The following ANK2 variants were observed in gnomAD, a reference collection of about 807,000 sequenced individuals.
ANK2 encodes ankyrin 2, also known as ankyrin-2.
Under a neutral mutation model 360.5 loss-of-function variants are expected in ANK2, and 83 were observed. The observed-to-expected ratio is 0.23, with a 90% CI of 0.19 to 0.28. The LOEUF (loss-of-function observed/expected upper bound fraction) is 0.28, where lower values mean the gene tolerates loss of function less well. Ranked by LOEUF, ANK2 falls within the 10% of genes least tolerant of loss-of-function variation. ANK2 has a pLI of 1.00. For missense variants in ANK2, 4,201 were observed against 4,795.7 expected (o/e 0.88, Z 3.66); for synonymous variants, 1,740 against 1,759.5 (o/e 0.99, Z 0.28).
At chr4:113,175,644 C>T (rs2098167070) in intron 2 of ANK2, among the ~76,000 whole-genome samples, 1 of 152,250 alleles carries the variant, frequency 6.6e-6, no homozygotes, top group Admixed American at 6.5e-5. Context: ...ATGCCTTGAG[C>T]GATAAATAAA....
the ANK2 span, among the ~76,000 whole-genome samples, chr4:112,769,550 C>T: frequency 6.6e-6 from 1 of 152,298 alleles, no homozygotes; most frequent in East Asian, 1.9e-4. Context: ...GAAATAGAAT[C>T]ATTCCTTTCC....
At chr4:112,930,335 C>A (rs1270906682) in intron 2 of ANK2, among the ~76,000 whole-genome samples, 4 of 151,626 alleles carry the variant, frequency 2.6e-5, no homozygotes, top group African/African-American at 9.7e-5. Context: ...GTAGTCCCAG[C>A]TACTTGGGAG....
chr4:112,982,796 C>T (rs188689516), intron 2 of ANK2, among the ~76,000 whole-genome samples: 51 of 152,214 alleles, frequency 3.4e-4, no homozygotes, highest in Admixed American at 1.0e-3. Flanking sequence ...ACTGTTTACA[C>T]CTTTCAGTTA....
intron 1 of ANK2, among the ~76,000 whole-genome samples, chr4:112,889,245 A>C (rs1438631174): frequency 2.0e-5 from 3 of 152,064 alleles, no homozygotes; most frequent in Admixed American, 6.5e-5. Flanking sequence ...AAAAAAAAAA[A>C]ACAAAACCTT....
chr4:112,728,175 C>G, the ANK2 span, among the ~76,000 whole-genome samples: 1 of 149,282 alleles, frequency 6.7e-6, no homozygotes, highest in Admixed American at 6.7e-5. Context: ...CGACTGTAGT[C>G]CCAGCTGCTC....
intron 2 of ANK2, among the ~76,000 whole-genome samples, chr4:112,995,579 C>T (rs1034998242): frequency 2.0e-5 from 3 of 152,136 alleles, no homozygotes; most frequent in Non-Finnish European, 4.4e-5. Flanking sequence ...TCTTGCTGTG[C>T]AGAAGCTCTT....
intron 2 of ANK2, among the ~76,000 whole-genome samples, chr4:112,941,180 TA>T (rs1264947778): frequency 4.0e-5 from 6 of 151,504 alleles, no homozygotes; most frequent in African/African-American, 1.2e-4. Context: ...TTTTGTTGCC[TA>T]AAAAAGGATA....
intron 1 of ANK2, among the ~76,000 whole-genome samples, chr4:112,822,251 A>C (rs976126793): frequency 1.1e-4 from 17 of 149,524 alleles, no homozygotes; most frequent in African/African-American, 3.9e-4. Flanking sequence ...AAAAAAAAAA[A>C]AAAAAAAAAA....
At chr4:113,196,322 T>TGAAA (rs760009562) in intron 2 of ANK2, 46 bp from the exon 3 acceptor site, 27 of 1,468,384 alleles carry the variant, frequency 1.8e-5, no homozygotes, top group Non-Finnish European at 2.6e-5. Flanking sequence ...GGCACTATTT[T>TGAAA]CCTCATTACT....
In ANK2 at chr4:112,940,977, A is replaced by G. The variant is rs560850022; in HGVS notation, c.21+36463A>G. ...AGGGACAAATACTTTCAAGTTCCTC[A>G]TGAGGTTGTTGATAAGATTCTGGCA... On this transcript the variant is annotated intron_variant, in intron 2 of 30. Coordinates refer to the ANK2 transcript ENST00000503271. Among the ~76,000 whole-genome samples the G allele has an allele frequency of 2.0e-5, 3 of 152,200 alleles. No individual in the cohort carries two copies. The South Asian group carries it at 6.2e-4, about 32-fold the overall frequency.
intron 13 of ANK2, among the ~76,000 whole-genome samples, chr4:113,263,186 T>C (rs988845992): frequency 9.3e-6 from 1 of 107,368 alleles, no homozygotes; most frequent in African/African-American, 4.3e-5. Flanking sequence ...AGACTCTGTC[T>C]GAAAAAAAAA....
At chr4:113,058,850 C>T (rs767134100) in intron 1 of ANK2, among the ~76,000 whole-genome samples, 5 of 152,140 alleles carry the variant, frequency 3.3e-5, no homozygotes, top group Admixed American at 6.6e-5. Flanking sequence ...GAATGTCTGT[C>T]TTAGTACTTT....
chr4:113,290,903 C>T (rs1357793699), intron 20 of ANK2, among the ~76,000 whole-genome samples: 1 of 152,150 alleles, frequency 6.6e-6, no homozygotes, highest in Non-Finnish European at 1.5e-5. Flanking sequence ...TTTACGTAAA[C>T]ACTTCTGAAT....
chr4:112,935,843 AAAAC>A (rs59674042), intron 2 of ANK2, among the ~76,000 whole-genome samples: 91,740 of 150,736 alleles, frequency 0.61, 28,119 homozygotes, highest in East Asian at 0.72. Context: ...ACCTTGTCTC[AAAAC>A]AAACAAACAA....
chr4:113,142,822 C>T (rs1258783471), intron 1 of ANK2, among the ~76,000 whole-genome samples: 1 of 152,020 alleles, frequency 6.6e-6, no homozygotes, highest in Non-Finnish European at 1.5e-5. Context: ...TTGGTTCATA[C>T]TCTCAGTGGT....
Position 113,354,691 on chromosome 4 carries a change from G to C in ANK2, c.6073G>C (p.Gly2025Arg). 6.2e-7 allele frequency: 1 copy of C among 1,614,026 alleles called. No homozygotes were observed. The highest frequency in any genetic ancestry group is 8.5e-7 in the Non-Finnish European group (1 of 1,179,992). The change falls in exon 38 of 46, where the codon GGT becomes CGT. Residue 2025 changes from glycine (G) to arginine (R), a missense_variant. By Grantham distance (125) the Gly-to-Arg change is moderately radical. Transcript: ENST00000357077. ...AAAACAAAAGCAGCCACAAGAGAAA[G>C]GTAAAGTTCGGGTAGAAAAAGAAAA... ...SAKQKQPQEK[G>R]KVRVEKEKGP...
At position 113,021,881 on chromosome 4, in the gene ANK2, G is replaced by A. The variant is rs79875203; in HGVS notation, c.21+117367G>A. 5.8e-3 allele frequency among the ~76,000 whole-genome samples: 888 copies of A among 152,126 alleles called. 9 individuals are homozygous for A. The highest frequency in any genetic ancestry group is 0.02 in the African/African-American group (829 of 41,502). On this transcript the variant is annotated intron_variant, in intron 2 of 30. Transcript: ENST00000503271. ...TATGTTTTAAAATATTAACAATAAC[G>A]AAAGTAATGCTTAAAGAGCATAACC...
At chr4:112,738,702 A>G in the ANK2 span, 1 of 604,108 alleles carries the variant, frequency 1.7e-6, no homozygotes, top group South Asian at 1.4e-5. Context: ...TGTGAAGCCC[A>G]AGATCATTAA....
chr4:112,984,242 G>A (rs184328343), intron 2 of ANK2, among the ~76,000 whole-genome samples: 19 of 152,264 alleles, frequency 1.2e-4, no homozygotes, highest in African/African-American at 3.4e-4. Context: ...TTTGGTCAGC[G>A]TATTGGTCCG....
Sources: allele counts gnomAD v4.1 joint callset (sites outside exome capture counted in the v4.1 genomes callset), GRCh38; gene constraint gnomAD v4.1.1; transcripts MANE v1.5; gene names NCBI Gene and HGNC (gene_info 2026-07-23, HGNC 2026-07-21).